COL5A2: variants seen among roughly 807,000 people sequenced by gnomAD.
The protein encoded by COL5A2 is collagen alpha-2(V) chain.
In COL5A2, 23 loss-of-function variants were observed where a neutral mutation model predicts 208.2. The ratio of observed to expected loss-of-function variants is 0.11; its 90% confidence interval spans 0.08 to 0.16. The LOEUF (loss-of-function observed/expected upper bound fraction) is 0.16, where lower values mean the gene tolerates loss of function less well. COL5A2 is among the 10% of genes least tolerant of loss of function. The pLI is 1.00. For synonymous variants in COL5A2, 625 were observed against 628.5 expected (o/e 0.99, Z 0.08); for missense variants, 1,590 against 1,956.4 (o/e 0.81, Z 3.53).
chr2:189,300,398 G>T, the COL5A2 span, among the ~76,000 whole-genome samples: 2 of 152,078 alleles, frequency 1.3e-5, no homozygotes, highest in African/African-American at 4.8e-5. Flanking sequence ...CACGTTTTCT[G>T]TTATCATCTA....
the COL5A2 span, among the ~76,000 whole-genome samples, chr2:189,372,192 A>T: frequency 6.6e-6 from 1 of 152,210 alleles, no homozygotes; most frequent in African/African-American, 2.4e-5. Context: ...TGCTCCACAG[A>T]AATGGTATCA....
intron 19 of COL5A2, among the ~76,000 whole-genome samples, 164 bp downstream of exon 19, chr2:189,068,622 T>A (rs1686204965): frequency 1.3e-5 from 2 of 152,218 alleles, no homozygotes; most frequent in Non-Finnish European, 2.9e-5. Context: ...TTAAATACCC[T>A]GACTTGATTA....
chr2:189,088,618 T>C (rs1405864198), intron 8 of COL5A2, 77 bp downstream of exon 8: 1 of 1,016,352 alleles, frequency 9.8e-7, no homozygotes, highest in African/African-American at 1.6e-5. Flanking sequence ...ATTCTTTGAC[T>C]AGTTAACTCA....
At chr2:189,102,203 G>A (rs986250078) in intron 3 of COL5A2, among the ~76,000 whole-genome samples, 2 of 151,960 alleles carry the variant, frequency 1.3e-5, no homozygotes, top group African/African-American at 4.8e-5. Flanking sequence ...GGAACAGCCT[G>A]CTAAGAATAG....
chr2:189,141,205 A>T (rs1687928173), intron 1 of COL5A2, among the ~76,000 whole-genome samples: 1 of 152,164 alleles, frequency 6.6e-6, no homozygotes, highest in Non-Finnish European at 1.5e-5. Flanking sequence ...CTGGAAATAT[A>T]GTGTGCAGTA....
chr2:189,375,239 G>A, the COL5A2 span, among the ~76,000 whole-genome samples: 2 of 151,928 alleles, frequency 1.3e-5, no homozygotes, highest in African/African-American at 4.8e-5. Context: ...GGCTGGTCTC[G>A]AGCTCCTGAC....
chr2:189,201,234 T>G (rs929432574), intron 1 of COL5A2, among the ~76,000 whole-genome samples: 1 of 152,038 alleles, frequency 6.6e-6, no homozygotes, highest in African/African-American at 2.4e-5. Context: ...CATATGATGA[T>G]TAACCTTCAT....
intron 1 of COL5A2, among the ~76,000 whole-genome samples, chr2:189,159,207 A>C (rs1431839070): frequency 1.3e-5 from 2 of 152,190 alleles, no homozygotes; most frequent in African/African-American, 2.4e-5. Flanking sequence ...TACTGAAAAT[A>C]TTTGGTTCAG....
intron 1 of COL5A2, among the ~76,000 whole-genome samples, chr2:189,149,387 C>T (rs1204025537): frequency 6.6e-6 from 1 of 152,100 alleles, no homozygotes; most frequent in African/African-American, 2.4e-5. Context: ...ACCTTAATAT[C>T]TGATTGATAA....
the COL5A2 span, among the ~76,000 whole-genome samples, chr2:189,436,348 C>A: frequency 1.8e-4 from 28 of 151,952 alleles, no homozygotes; most frequent in African/African-American, 6.5e-4. Flanking sequence ...GTGAACAGGC[C>A]ACCTACAGAA....
the COL5A2 span, among the ~76,000 whole-genome samples, chr2:189,323,384 A>C: frequency 8.5e-5 from 13 of 152,282 alleles, no homozygotes; most frequent in Admixed American, 3.3e-4. Context: ...TCAAATTGTC[A>C]CTGTTTGCAG....
chr2:189,368,981 T>G, the COL5A2 span, among the ~76,000 whole-genome samples: 4 of 152,168 alleles, frequency 2.6e-5, no homozygotes, highest in Non-Finnish European at 4.4e-5. Context: ...TACAATACAG[T>G]AAACAGAAGT....
intron 8 of COL5A2, among the ~76,000 whole-genome samples, chr2:189,087,890 T>C (rs1049574543): frequency 6.6e-6 from 1 of 151,534 alleles, no homozygotes; most frequent in South Asian, 2.1e-4. Context: ...GATAAAAACA[T>C]GCAACTCAAA....
intron 35 of COL5A2, 85 bp downstream of exon 35, chr2:189,056,888 C>T: frequency 1.5e-6 from 2 of 1,315,218 alleles, no homozygotes; most frequent in Non-Finnish European, 2.2e-6. Context: ...ACATGACTGA[C>T]TTTATTTTGG....
chr2:189,389,554 G>A, the COL5A2 span, among the ~76,000 whole-genome samples: 2 of 152,192 alleles, frequency 1.3e-5, no homozygotes, highest in African/African-American at 4.8e-5. Context: ...TGCTGTCAGT[G>A]CAATCTTTAG....
the COL5A2 span, among the ~76,000 whole-genome samples, chr2:189,404,535 G>T: frequency 1.5e-4 from 23 of 152,242 alleles, no homozygotes; most frequent in Middle Eastern, 3.4e-3. Flanking sequence ...TAACAGACCT[G>T]CAAACTGAGA....
chr2:189,279,426 C>A, the COL5A2 span, among the ~76,000 whole-genome samples: 2 of 149,946 alleles, frequency 1.3e-5, no homozygotes, highest in African/African-American at 4.9e-5. Flanking sequence ...CAATCATTTT[C>A]AATTGGGTGG....
At chr2:189,186,907 G>A (rs1410633367) in intron 1 of COL5A2, among the ~76,000 whole-genome samples, 1 of 151,852 alleles carries the variant, frequency 6.6e-6, no homozygotes, top group Non-Finnish European at 1.5e-5. Flanking sequence ...TTTTGTATTA[G>A]AAATTTTTAC....
the COL5A2 span, among the ~76,000 whole-genome samples, chr2:189,282,637 C>T: frequency 6.6e-6 from 1 of 152,124 alleles, no homozygotes; most frequent in Admixed American, 6.5e-5. Context: ...CAAAATTAGT[C>T]TGTGTTCATC....
Sources: allele counts gnomAD v4.1 joint callset (sites outside exome capture counted in the v4.1 genomes callset), GRCh38; gene constraint gnomAD v4.1.1; transcripts MANE v1.5; gene names NCBI Gene and HGNC (gene_info 2026-07-23, HGNC 2026-07-21).